Variants in EIF2D observed in about 807,000 individuals in gnomAD.
EIF2D encodes the protein eukaryotic translation initiation factor 2D.
A neutral mutation model predicts 77.4 loss-of-function variants in EIF2D; 56 were observed. The ratio of observed to expected loss-of-function variants is 0.72; its 90% CI spans 0.58 to 0.90. The LOEUF (loss-of-function observed/expected upper bound fraction) is 0.90, where lower values mean the gene tolerates loss of function less well. EIF2D is among the 40% of genes least tolerant of loss of function. The pLI is 0.00. For missense variants in EIF2D, 574 were observed against 706.5 expected (o/e 0.81, Z 2.13); for synonymous variants, 230 against 271.0 (o/e 0.85, Z 1.49).
Position 206,599,356 on chromosome 1 carries a change from G to T in EIF2D, c.1202+107C>A. On this transcript the variant is annotated intron_variant, in intron 10 of 14. Coordinates refer to ENST00000271764, the MANE Select transcript of EIF2D (RefSeq NM_006893.3). The surrounding 1 kb of genome is among the most constrained non-coding windows in gnomAD (Gnocchi z 4.1). ...CTGGATTTTGGAGAAGGGGAGAACA[G>T]GGGCAGAGCAGGTTTTGCCAGTCGC... 2 of 1,422,688 alleles carry T rather than the reference G, an allele frequency of 1.4e-6. No homozygotes were observed. The highest frequency in any genetic ancestry group is 9.6e-7 in the Non-Finnish European group (1 of 1,042,328). The allele number at this position is 1,422,688 out of a possible 1,614,324, so 88.1% of individuals were successfully genotyped here.
At position 206,599,736 on chromosome 1, in the gene EIF2D, G is replaced by T. The variant is rs199944579; in HGVS notation, c.1049C>A (p.Pro350Gln). Residue 350 changes from proline (P) to glutamine (Q), a missense_variant, in exon 9 of 15, where the codon CCG becomes CAG. Transcript: ENST00000271764. The surrounding 1 kb of genome is among the most constrained non-coding windows in gnomAD (Gnocchi z 4.1). ...ESIVAVDWKH[P>Q]RITSFVIPEP... ...GTGACAGGCCCCCTGCACTCACCTC[G>T]GGTGTTTCCAGTCCACAGCCACAAT... 1 of 1,614,094 alleles carries T rather than the reference G, an allele frequency of 6.2e-7. No individual in the cohort carries two copies. The highest frequency in any genetic ancestry group is 1.1e-5 in the South Asian group (1 of 91,076).
At position 206,579,384 on chromosome 1, in the gene EIF2D, G is replaced by T. The variant is rs893418213; in HGVS notation, c.*254+1308C>A. 2.0e-5 allele frequency among the ~76,000 whole-genome samples: 3 copies of T among 152,312 alleles called. No individual in the cohort carries two copies. In the East Asian group the frequency reaches 5.8e-4, roughly 29 times the overall value. ...CCCAAGAGGCAAAACTGTCTGCTTG[G>T]TTTCTCGCTTTGTACCCGTGGACAG... On this transcript the variant is annotated intron_variant and NMD_transcript_variant, in intron 4 of 5. Coordinates refer to the EIF2D transcript ENST00000472709. The surrounding 1 kb of genome is among the most constrained non-coding windows in gnomAD (Gnocchi z 4.2).
downstream of EIF2D, among the ~76,000 whole-genome samples, chr1:206,569,987 A>G (rs1668396530): frequency 6.6e-6 from 1 of 152,084 alleles, no homozygotes; most frequent in Admixed American, 6.5e-5. Context: ...TCTATGGGAA[A>G]CAGATAAAAC....
intron 4 of EIF2D, among the ~76,000 whole-genome samples, chr1:206,573,002 T>C (rs1465099078): frequency 6.6e-6 from 1 of 152,202 alleles, no homozygotes; most frequent in Non-Finnish European, 1.5e-5. Flanking sequence ...AAATGACTAC[T>C]GAAGATGATG....
chr1:206,589,315 C>A (rs554324155), downstream of EIF2D: 1 of 152,746 alleles, frequency 6.5e-6, no homozygotes, highest in African/African-American at 2.4e-5. Flanking sequence ...CACCATCTTA[C>A]GGACACTGGG....
rs782656144 is a variant in EIF2D, at chr1:206,611,239, G to A, written c.192C>T (p.Tyr64=). The change falls in exon 2 of 15, where the codon TAC becomes TAT. Residue 64 remains tyrosine, a synonymous_variant. Coordinates refer to ENST00000271764, the MANE Select transcript of EIF2D (RefSeq NM_006893.3). ...YAHKGDAVTV[Y]VSGGNPILFE... ...AGAGGATGGGGTTACCACCACTCAC[G>A]TACACAGTCACTGCATCCCCTTTGT... The A allele has an allele frequency of 3.1e-6, 5 of 1,614,138 alleles. No individual in the cohort carries two copies. Among genetic ancestry groups the A allele is most frequent in the East Asian group, 4.5e-5 (2 of 44,876 alleles).
chr1:206,591,895 C>G, intron 14 of EIF2D, 50 bp from the exon 15 acceptor site: 1 of 1,594,546 alleles, frequency 6.3e-7, no homozygotes, highest in Non-Finnish European at 8.6e-7. Context: ...CCTTGCTCCC[C>G]GGCTGGCCCT....
chr1:206,585,240 C>G (rs1171545733), intron 2 of EIF2D: 1 of 1,614,076 alleles, frequency 6.2e-7, no homozygotes, highest in East Asian at 2.2e-5. Context: ...CTTGCTGGGC[C>G]TGACACGGAG....
At chr1:206,578,103 G>A (rs9645354) in intron 4 of EIF2D, among the ~76,000 whole-genome samples, 68,893 of 151,508 alleles carry the variant, frequency 0.45, 16,079 homozygotes, top group Middle Eastern at 0.65. Flanking sequence ...GCACATGCTT[G>A]TAGTCCCAGC....
chr1:206,585,384 G>A lies in EIF2D; in HGVS notation c.139-4222C>T, dbSNP rs1558525251. 5.5e-6 allele frequency: 5 copies of A among 916,962 alleles called. No homozygotes were observed. In the East Asian group the frequency reaches 9.6e-5, roughly 18 times the overall value. The allele number at this position is 916,962 out of a possible 1,614,324, so 56.8% of individuals were successfully genotyped here. ...TTGTCCTAACTACCTCACATAGGTG[G>A]GAGCCACGCAGCACGGGCAGGAAGG... On this transcript the variant is annotated intron_variant and NMD_transcript_variant, in intron 2 of 5. Coordinates refer to the EIF2D transcript ENST00000472709.
intron 13 of EIF2D, chr1:206,594,984 A>T (rs2102277981): frequency 6.6e-6 from 1 of 152,314 alleles, no homozygotes; most frequent in South Asian, 2.1e-4. Flanking sequence ...TCAGCCATGT[A>T]TACGCCTTCA....
At chr1:206,571,020 C>T (rs1228313174), downstream of EIF2D, among the ~76,000 whole-genome samples, 2 of 152,232 alleles carry the variant, frequency 1.3e-5, no homozygotes, top group African/African-American at 4.8e-5. Flanking sequence ...CCATTTTCCA[C>T]AGTGACTGCA....
chr1:206,572,873 GA>G (rs1668498110), intron 4 of EIF2D, among the ~76,000 whole-genome samples: 1 of 152,186 alleles, frequency 6.6e-6, no homozygotes, highest in Non-Finnish European at 1.5e-5. Context: ...TAGGACCCAT[GA>G]AAGTCATAAT....
intron 14 of EIF2D, 129 bp downstream of exon 14, chr1:206,593,488 CGA>C (rs781847594): frequency 0.019 from 5,799 of 299,252 alleles, 11 homozygotes; most frequent in Non-Finnish European, 0.022. Flanking sequence ...AGAGAGAGAG[CGA>C]GAGAGAGAGA....
At chr1:206,575,008 C>T (rs186078195) in intron 4 of EIF2D, among the ~76,000 whole-genome samples, 1,760 of 148,588 alleles carry the variant, frequency 0.012, 39 homozygotes, top group African/African-American at 0.041. Flanking sequence ...TACAGGCGCA[C>T]GGATAATTTT....
chr1:206,602,940 TAG>T lies in EIF2D; in HGVS notation c.784+9_784+10del. The T allele has an allele frequency of 2.5e-6, 4 of 1,613,624 alleles. No homozygotes were observed. The Middle Eastern group carries it at 5.0e-4, about 200-fold the overall frequency. ...GTGGGGAGATGGGCTCTTCTCCTCC[TAG>T]AGTTATACCTTGAAGCGTTTTGCTA... is the stretch of plus-strand genomic sequence containing the variant. On this transcript the variant is annotated intron_variant, in intron 6 of 14. Coordinates refer to ENST00000271764, the MANE Select transcript of EIF2D (RefSeq NM_006893.3).
chr1:206,602,784 C>T (rs1355733777), intron 6 of EIF2D, 167 bp downstream of exon 6: 4 of 1,043,592 alleles, frequency 3.8e-6, no homozygotes, highest in Non-Finnish European at 5.5e-6. Context: ...GGAAAGGATT[C>T]AAAAACAAGA....
At chr1:206,598,865 T>G in intron 11 of EIF2D, 138 bp downstream of exon 11, 2 of 816,246 alleles carry the variant, frequency 2.5e-6, no homozygotes, top group Non-Finnish European at 3.8e-6. Flanking sequence ...AGCCCATGGT[T>G]TGGAAACCAC....
chr1:206,582,928 C>T (rs1017405892), intron 2 of EIF2D, among the ~76,000 whole-genome samples: 4 of 152,162 alleles, frequency 2.6e-5, no homozygotes, highest in Non-Finnish European at 4.4e-5. Flanking sequence ...TAAGCAAATG[C>T]GGCTCTGCTC....
Sources: allele counts gnomAD v4.1 joint callset (sites outside exome capture counted in the v4.1 genomes callset), GRCh38; gene constraint gnomAD v4.1.1; non-coding constraint Gnocchi (gnomAD v3.1); transcripts MANE v1.5; gene names NCBI Gene and HGNC (gene_info 2026-07-23, HGNC 2026-07-21).